WEE2: variants seen among roughly 807,000 people sequenced by gnomAD.
The protein encoded by WEE2 is WEE2 oocyte meiosis inhibiting kinase, also known as wee1-like protein kinase 2.
In WEE2, 50 loss-of-function variants were observed where a neutral mutation model predicts 60.1. The observed-to-expected ratio is 0.83, with a 90% CI of 0.66 to 1.05. The LOEUF (loss-of-function observed/expected upper bound fraction) is 1.05, where lower values mean the gene tolerates loss of function less well. Ranked by LOEUF, WEE2 falls within the 50% of genes least tolerant of loss-of-function variation. The pLI, the probability that WEE2 is intolerant of heterozygous loss-of-function variation, is 0.00. For synonymous variants in WEE2, 240 were observed against 241.0 expected, an observed-to-expected ratio of 1.00 and a Z score of 0.04; for missense variants, 631 against 684.3, an observed-to-expected ratio of 0.92 and a Z score of 0.87.
chr7:141,717,320 GGC>G (rs1317098362), intron 3 of WEE2, among the ~76,000 whole-genome samples: 1 of 152,150 alleles, frequency 6.6e-6, no homozygotes, highest in Non-Finnish European at 1.5e-5. Flanking sequence ...GTTAGCACTT[GGC>G]TATTGTAAAC....
intron 1 of WEE2, among the ~76,000 whole-genome samples, chr7:141,712,142 C>A (rs1337508252): frequency 6.6e-6 from 1 of 152,084 alleles, no homozygotes; most frequent in Non-Finnish European, 1.5e-5. Context: ...TCCAAACATC[C>A]CAATAATACC....
chr7:141,722,983 T>G (rs796535316), intron 5 of WEE2, 151 bp from the exon 6 acceptor site: 12 of 935,020 alleles, frequency 1.3e-5, no homozygotes, highest in African/African-American at 3.3e-5. Context: ...TACTATGCCA[T>G]TTTATACAAG....
intron 6 of WEE2, 61 bp from the exon 7 acceptor site, chr7:141,723,880 T>A: frequency 1.5e-5 from 17 of 1,118,340 alleles, no homozygotes; most frequent in Non-Finnish European, 1.9e-5. Flanking sequence ...CAGAAAAGAA[T>A]CTTTGAGAGG....
intron 3 of WEE2, among the ~76,000 whole-genome samples, chr7:141,717,484 A>G (rs1280361606): frequency 6.6e-6 from 1 of 152,232 alleles, no homozygotes; most frequent in Non-Finnish European, 1.5e-5. Context: ...TTTATTGAAC[A>G]TTAAATAAGT....
In WEE2 at chr7:141,730,407, G is replaced by C. The variant is rs145406419; in HGVS notation, c.*87G>C. ...TCCCCACCAAAGATCCCAGGGACTC[G>C]TTGTACATAGAAAGGAATAGAATTT... is the stretch of plus-strand genomic sequence containing the variant. On this transcript the variant is annotated 3_prime_UTR_variant, in exon 12 of 12. Transcript: ENST00000397541. 1.2e-4 allele frequency: 146 copies of C among 1,207,246 alleles called. No homozygotes were observed. The highest frequency in any genetic ancestry group is 1.7e-4 in the Non-Finnish European group (137 of 827,658). 74.8% of individuals were successfully genotyped at this position (1,207,246 alleles called of 1,614,324 possible).
At chr7:141,712,507 A>C (rs973679047) in intron 1 of WEE2, among the ~76,000 whole-genome samples, 2 of 152,128 alleles carry the variant, frequency 1.3e-5, no homozygotes, top group Non-Finnish European at 2.9e-5. Flanking sequence ...AGTTCTTTTC[A>C]TATGTCTTAT....
intron 10 of WEE2, 88 bp from the exon 11 acceptor site, chr7:141,729,443 G>T: frequency 6.4e-7 from 1 of 1,557,576 alleles, no homozygotes; most frequent in Non-Finnish European, 8.8e-7. Flanking sequence ...ACTGAAACAA[G>T]AAGAAAAACA....
At chr7:141,718,241 G>A (rs1045007401) in intron 3 of WEE2, among the ~76,000 whole-genome samples, 1 of 152,148 alleles carries the variant, frequency 6.6e-6, no homozygotes, top group African/African-American at 2.4e-5. Context: ...GACTTTGGGA[G>A]ATAAATCAGC....
At chr7:141,730,255 G>T (rs1307369384) in intron 11 of WEE2, 40 bp from the exon 12 acceptor site, 1 of 1,604,764 alleles carries the variant, frequency 6.2e-7, no homozygotes, top group East Asian at 2.2e-5. Flanking sequence ...TAATGCCACT[G>T]ATCAATAACT....
rs1378747560 is a variant in WEE2, at chr7:141,723,271, A to C, written c.1018A>C (p.Ile340Leu). ...IHNSSMVHLD[I>L]KPSNIFICHK... is the part of the protein sequence containing the mutation. ...CAACTCTAGCATGGTACACCTGGAC[A>C]TCAAACCTAGTCAGTGTGATTCCCT... Residue 340 changes from isoleucine to leucine, a missense_variant, in exon 6 of 12, where the codon ATC becomes CTC. Transcript: ENST00000397541. 6.2e-7 allele frequency: 1 copy of C among 1,613,714 alleles called. No homozygotes were observed. The highest frequency in any genetic ancestry group is 8.5e-7 in the Non-Finnish European group (1 of 1,179,922).
At chr7:141,727,054 A>C (rs1437899871) in intron 9 of WEE2, 1 of 420,652 alleles carries the variant, frequency 2.4e-6, no homozygotes, top group African/African-American at 2.0e-5. Context: ...CTAAGGCAAT[A>C]GACTAGTTAG....
intron 1 of WEE2, among the ~76,000 whole-genome samples, chr7:141,709,385 A>G (rs1471041807): frequency 6.6e-6 from 1 of 152,170 alleles, no homozygotes; most frequent in Non-Finnish European, 1.5e-5. Flanking sequence ...AGAATATTGG[A>G]ACTGGAAGGA....
At chr7:141,724,781 T>C (rs1226424118) in intron 8 of WEE2, among the ~76,000 whole-genome samples, 1 of 152,240 alleles carries the variant, frequency 6.6e-6, no homozygotes, top group Non-Finnish European at 1.5e-5. Context: ...AGCAAGCCTT[T>C]CTGAGCCTGA....
rs76826874 is a variant in WEE2, at chr7:141,714,884, C to T, written c.539+479C>T. Among the ~76,000 whole-genome samples, 1,756 of 152,222 alleles carry T rather than the reference C, an allele frequency of 0.012. 62 individuals carry two copies. The South Asian group carries it at 0.15, about 13-fold the overall frequency. ...CAAAAAAGCATTGCTTTCAGAGCTG[C>T]TAAAGAATAGAAAGCCAAACTGTAC... On this transcript the variant is annotated intron_variant, in intron 2 of 11. Transcript: ENST00000397541.
intron 3 of WEE2, among the ~76,000 whole-genome samples, chr7:141,717,188 T>C (rs1328747984): frequency 6.6e-6 from 1 of 152,230 alleles, no homozygotes; most frequent in Non-Finnish European, 1.5e-5. Context: ...AATGGAGCTA[T>C]AACCACTGCT....
chr7:141,718,948 C>T, intron 3 of WEE2, 124 bp from the exon 4 acceptor site: 2 of 796,422 alleles, frequency 2.5e-6, no homozygotes, highest in East Asian at 2.5e-5. Context: ...AAGTAGAATT[C>T]ATTGCAGTCA....
At position 141,727,450 on chromosome 7, in the gene WEE2, T is replaced by C; in HGVS notation, c.1535+4T>C. 1 of 1,613,918 alleles carries C rather than the reference T, an allele frequency of 6.2e-7. No individual in the cohort carries two copies. Among genetic ancestry groups the C allele is most frequent in the Non-Finnish European group, 8.5e-7 (1 of 1,179,920 alleles). ...TCAAGACTGCCACACTGGAAAGGTA[T>C]ATTTTTGGATGATGGGGGGTCAAGA... On this transcript the variant is annotated splice_donor_region_variant and intron_variant, in intron 10 of 11. Coordinates refer to ENST00000397541, the MANE Select transcript of WEE2 (RefSeq NM_001105558.1).
At position 141,725,034 on chromosome 7, in the gene WEE2, GCACCTTCCCAAAGCAGACA is replaced by G; in HGVS notation, c.1231_1249del (p.His411TyrfsTer6). On this transcript the variant is annotated frameshift_variant, in exon 9 of 12. Coordinates refer to ENST00000397541, the MANE Select transcript of WEE2 (RefSeq NM_001105558.1). LOFTEE classifies it high-confidence loss of function. ...TGTCTTCTGTTTTGAAGGATTACCG[GCACCTTCCCAAAGCAGACA>G]TATTTGCCTTGGGATTAACAATTGC... The G allele has an allele frequency of 1.9e-6, 3 of 1,613,344 alleles. No individual in the cohort carries two copies. Among genetic ancestry groups the G allele is most frequent in the Non-Finnish European group, 2.5e-6 (3 of 1,179,598 alleles).
rs771779541 is a variant in WEE2 at position 141,720,898 on chromosome 7, T to C, written c.759-37T>C. 12 of 1,599,028 alleles carry C rather than the reference T, an allele frequency of 7.5e-6. No individual in the cohort carries two copies. In the African/African-American group the frequency reaches 1.2e-4, roughly 16 times the overall value. ...ACATTTTTGTGTGCATTATCTTGAT[T>C]GATGTTTTTATTCCTCAATGCTTTT... is the stretch of plus-strand genomic sequence containing the variant. On this transcript the variant is annotated intron_variant, in intron 4 of 11. Coordinates refer to ENST00000397541, the MANE Select transcript of WEE2 (RefSeq NM_001105558.1).
Sources: allele counts gnomAD v4.1 joint callset (sites outside exome capture counted in the v4.1 genomes callset), GRCh38; gene constraint gnomAD v4.1.1; transcripts MANE v1.5; gene names NCBI Gene and HGNC (gene_info 2026-07-23, HGNC 2026-07-21).